MRTFA: variants seen among roughly 807,000 people sequenced by gnomAD.
MRTFA encodes the protein myocardin related transcription factor A, also known as myocardin-related transcription factor A.
MRTFA carries 20 observed loss-of-function variants against 83.5 expected under a neutral mutation model. The observed-to-expected ratio is 0.24, with a 90% CI of 0.17 to 0.35. The LOEUF is 0.35. Among genes scored for constraint, MRTFA ranks in the 10% least tolerant of loss-of-function variants. The pLI, the probability that MRTFA is intolerant of heterozygous loss-of-function variation, is 1.00. For missense variants in MRTFA, 1,200 were observed against 1,224.7 expected (o/e 0.98, Z 0.30); for synonymous variants, 659 against 541.2 (o/e 1.22, Z -3.02).
At chr22:40,475,389 T>G (rs189342320) in intron 3 of MRTFA, among the ~76,000 whole-genome samples, 3 of 151,828 alleles carry the variant, frequency 2.0e-5, no homozygotes, top group Non-Finnish European at 4.4e-5. Context: ...ATAGAAAAAT[T>G]AGCCAGGCAT....
intron 3 of MRTFA, among the ~76,000 whole-genome samples, chr22:40,546,310 C>A (rs1391006721): frequency 6.6e-6 from 1 of 152,154 alleles, no homozygotes; most frequent in East Asian, 1.9e-4. Flanking sequence ...GAGCTGAATG[C>A]TGGAGAGTAA....
intron 2 of MRTFA, among the ~76,000 whole-genome samples, chr22:40,594,169 T>C (rs2056158977): frequency 6.6e-6 from 1 of 152,200 alleles, no homozygotes; most frequent in Non-Finnish European, 1.5e-5. Flanking sequence ...ACAGATCCTG[T>C]CATCAGTAAC....
intron 1 of MRTFA, among the ~76,000 whole-genome samples, chr22:40,609,056 G>T (rs1445365271): frequency 6.6e-6 from 1 of 152,140 alleles, no homozygotes; most frequent in Non-Finnish European, 1.5e-5. Flanking sequence ...ACTTTGGGAG[G>T]CCGAGGCAGG....
chr22:40,567,425 T>C (rs2055721908), intron 2 of MRTFA, among the ~76,000 whole-genome samples: 1 of 152,234 alleles, frequency 6.6e-6, no homozygotes, highest in Non-Finnish European at 1.5e-5. Flanking sequence ...ACACGCTACG[T>C]ATAAGAGACC....
At chr22:40,448,688 TCTC>T (rs1442563646) in intron 4 of MRTFA, among the ~76,000 whole-genome samples, 1 of 152,228 alleles carries the variant, frequency 6.6e-6, no homozygotes, top group East Asian at 1.9e-4. Flanking sequence ...GGGCACAAAT[TCTC>T]CTATTTCTTT....
At chr22:40,510,976 C>T (rs1253322195) in intron 3 of MRTFA, among the ~76,000 whole-genome samples, 1 of 152,002 alleles carries the variant, frequency 6.6e-6, no homozygotes, top group Non-Finnish European at 1.5e-5. Flanking sequence ...TATGAGATAA[C>T]CACATAGTCA....
chr22:40,534,495 C>T (rs142654704), intron 3 of MRTFA, among the ~76,000 whole-genome samples: 15 of 152,254 alleles, frequency 9.9e-5, no homozygotes, highest in African/African-American at 2.9e-4. Flanking sequence ...CACTCCGTTG[C>T]CCAGACTGGA....
At chr22:40,600,937 T>C (rs779078887) in intron 1 of MRTFA, among the ~76,000 whole-genome samples, 5 of 152,196 alleles carry the variant, frequency 3.3e-5, no homozygotes, top group Admixed American at 1.3e-4. Context: ...ATTGTGCCAC[T>C]GTACTCCAGC....
chr22:40,499,910 A>G (rs1432477643), intron 3 of MRTFA, among the ~76,000 whole-genome samples: 1 of 137,928 alleles, frequency 7.3e-6, no homozygotes, highest in East Asian at 2.3e-4. Context: ...ATTTTCAAGT[A>G]GACCTTTTTT....
chr22:40,473,062 T>C (rs1015669622), intron 3 of MRTFA, among the ~76,000 whole-genome samples: 4 of 152,326 alleles, frequency 2.6e-5, no homozygotes, highest in Non-Finnish European at 5.9e-5. Flanking sequence ...GATGCACTTC[T>C]GTGAATTTTC....
At chr22:40,480,349 A>G (rs1009689633) in intron 3 of MRTFA, among the ~76,000 whole-genome samples, 11 of 151,670 alleles carry the variant, frequency 7.3e-5, no homozygotes, top group African/African-American at 2.7e-4. Context: ...CCTGGCCTCC[A>G]GTTATCCTCC....
intron 3 of MRTFA, among the ~76,000 whole-genome samples, chr22:40,494,318 G>A (rs994263090): frequency 2.0e-5 from 3 of 152,124 alleles, no homozygotes; most frequent in Non-Finnish European, 2.9e-5. Context: ...AGAGCTATAT[G>A]TGAATATTCG....
chr22:40,467,028 TTATC>T (rs1201271863), intron 3 of MRTFA, among the ~76,000 whole-genome samples: 1 of 152,054 alleles, frequency 6.6e-6, no homozygotes, highest in Non-Finnish European at 1.5e-5. Context: ...AGACGAAAGC[TTATC>T]TAATAAACCT....
At chr22:40,502,978 TC>T (rs2054521483) in intron 3 of MRTFA, among the ~76,000 whole-genome samples, 2 of 152,226 alleles carry the variant, frequency 1.3e-5, no homozygotes, top group African/African-American at 4.8e-5. Context: ...TCTCCACTTT[TC>T]CCATCCCCCT....
chr22:40,485,408 C>T (rs2054159708), intron 3 of MRTFA, among the ~76,000 whole-genome samples: 1 of 152,080 alleles, frequency 6.6e-6, no homozygotes, highest in African/African-American at 2.4e-5. Flanking sequence ...TGAACTGTGG[C>T]AACAGCTGGG....
At chr22:40,466,031 T>C (rs2053807527) in intron 3 of MRTFA, among the ~76,000 whole-genome samples, 1 of 152,156 alleles carries the variant, frequency 6.6e-6, no homozygotes, top group South Asian at 2.1e-4. Context: ...TAGGATCTTC[T>C]GAAAGCCTGC....
intron 3 of MRTFA, among the ~76,000 whole-genome samples, chr22:40,489,750 G>A (rs1046345243): frequency 2.0e-5 from 3 of 152,118 alleles, no homozygotes; most frequent in Admixed American, 6.5e-5. Flanking sequence ...AAGCCAAGGC[G>A]AGTGGATCAC....
intron 3 of MRTFA, among the ~76,000 whole-genome samples, chr22:40,500,394 T>C (rs1326898045): frequency 6.7e-6 from 1 of 150,324 alleles, no homozygotes; most frequent in East Asian, 1.9e-4. Context: ...TATTTTTATT[T>C]TTTTTAATTT....
intron 3 of MRTFA, among the ~76,000 whole-genome samples, chr22:40,507,972 C>CAAAAAAAAAAAA (rs11315930): frequency 2.7e-5 from 1 of 37,512 alleles, no homozygotes; most frequent in Non-Finnish European, 4.6e-5. Context: ...GACTCCACCT[C>CAAAAAAAAAAAA]AAAAAAAAAA....
Sources: gnomAD v4.1 joint callset for allele counts (sites outside exome capture counted in the v4.1 genomes callset) on GRCh38, gnomAD v4.1.1 for gene constraint, MANE v1.5 for transcripts, NCBI Gene and HGNC (gene_info 2026-07-23, HGNC 2026-07-21) for gene names.